The following IL13RA1 variants were observed in gnomAD, a reference collection of about 807,000 sequenced individuals.
IL13RA1 encodes the protein interleukin 13 receptor subunit alpha 1.
A neutral mutation model predicts 33.8 loss-of-function variants in IL13RA1; 14 were observed. The observed-to-expected ratio is 0.41, with a 90% confidence interval of 0.27 to 0.65. The LOEUF (loss-of-function observed/expected upper bound fraction) is 0.65, where lower values mean the gene tolerates loss of function less well. Among genes scored for constraint, IL13RA1 ranks in the 30% least tolerant of loss-of-function variants. IL13RA1 has a pLI of 0.28. For synonymous variants in IL13RA1, 116 were observed against 115.7 expected (o/e 1.00, Z -0.02); for missense variants, 313 against 327.0 (o/e 0.96, Z 0.33).
chrX:118,741,307 A>G (rs1479937659), intron 2 of IL13RA1, 151 bp downstream of exon 2: 9 of 435,513 alleles, frequency 2.1e-5, no homozygotes, highest in South Asian at 4.2e-5. Flanking sequence ...AGAAGCAACT[A>G]TTGACACAAG....
At chrX:118,800,651 A>G in the IL13RA1 span, among the ~76,000 whole-genome samples, 1 of 110,977 alleles carries the variant, frequency 9.0e-6, no homozygotes, top group African/African-American at 3.3e-5. Context: ...GAACCCACCA[A>G]TTCGGGACAG....
intron 2 of IL13RA1, 94 bp from the exon 3 acceptor site, chrX:118,746,860 T>C: frequency 3.2e-6 from 2 of 633,523 alleles, no homozygotes; most frequent in South Asian, 6.2e-5. Context: ...ATAACTTTTT[T>C]GATAAAAAAA....
rs768692064 is a variant in IL13RA1, at chrX:118,769,918, C to T, written c.1009+2942C>T. 2.5e-4 allele frequency: 38 copies of T among 153,948 alleles called. 1 individual carries two copies. The highest frequency in any genetic ancestry group is 2.0e-3 in the Middle Eastern group (1 of 489). The allele number at this position is 153,948 out of a possible 1,213,427, so 12.7% of individuals were successfully genotyped here. On this transcript the variant is annotated intron_variant, in intron 8 of 10. Transcript: ENST00000371666. ...GCATTAGGCTGCAGCTCTTCTTCTA[C>T]GTGGGCCTGGCCTTCATCAGCCTGG...
chrX:118,766,165 T>C (rs984880843), intron 6 of IL13RA1, among the ~76,000 whole-genome samples: 10 of 112,099 alleles, frequency 8.9e-5, no homozygotes, highest in Non-Finnish European at 1.5e-4. Context: ...TGGGAGGTTT[T>C]TTTGGTCTTG....
intron 2 of IL13RA1, among the ~76,000 whole-genome samples, chrX:118,745,433 C>G (rs2017393063): frequency 8.9e-6 from 1 of 111,883 alleles, no homozygotes; most frequent in Admixed American, 9.5e-5. Flanking sequence ...TCTGTTCTTC[C>G]AGGGCTGACC....
At chrX:118,777,274 C>T (rs1456988623) in intron 10 of IL13RA1, among the ~76,000 whole-genome samples, 1 of 110,918 alleles carries the variant, frequency 9.0e-6, no homozygotes, top group African/African-American at 3.3e-5. Flanking sequence ...ATTTCATTTA[C>T]CATAATGTTT....
chrX:118,776,315 A>T, intron 9 of IL13RA1, 112 bp from the exon 10 acceptor site: 2 of 400,074 alleles, frequency 5.0e-6, no homozygotes, highest in Non-Finnish European at 8.9e-6. Context: ...GTCAATAAAG[A>T]TGACTTGTGT....
At chrX:118,747,158 G>T in intron 3 of IL13RA1, 66 bp downstream of exon 3, 1 of 674,000 alleles carries the variant, frequency 1.5e-6, no homozygotes, top group Middle Eastern at 3.2e-4. Flanking sequence ...ATGCTTTTGT[G>T]CATTGTTCAT....
intron 3 of IL13RA1, among the ~76,000 whole-genome samples, chrX:118,749,057 A>G (rs2017441740): frequency 9.0e-6 from 1 of 111,627 alleles, no homozygotes; most frequent in African/African-American, 3.3e-5. Context: ...CTGGGACTAA[A>G]GATATGTGCC....
intron 4 of IL13RA1, among the ~76,000 whole-genome samples, chrX:118,752,163 G>A (rs891116306): frequency 9.0e-6 from 1 of 110,556 alleles, no homozygotes; most frequent in South Asian, 3.9e-4. Context: ...AAACCCTTCA[G>A]TGGCTCCCTG....
intron 10 of IL13RA1, among the ~76,000 whole-genome samples, chrX:118,783,755 T>TACACACACACACACACAC (rs142945515): frequency 4.1e-4 from 41 of 100,946 alleles, no homozygotes; most frequent in African/African-American, 1.4e-3. Context: ...AAATCCATAT[T>TACACACACACACACACAC]ACACACACAC....
intron 10 of IL13RA1, among the ~76,000 whole-genome samples, chrX:118,791,544 G>T (rs2017974120): frequency 9.3e-6 from 1 of 107,717 alleles, no homozygotes; most frequent in Non-Finnish European, 1.9e-5. Flanking sequence ...ACTATCTCAT[G>T]ATTCCCACCT....
the IL13RA1 span, among the ~76,000 whole-genome samples, chrX:118,804,294 G>A: frequency 1.7e-4 from 19 of 109,706 alleles, no homozygotes; most frequent in Non-Finnish European, 3.4e-4. Context: ...TCAGACATCT[G>A]TGAAGGAAGT....
chrX:118,800,787 T>C, the IL13RA1 span, among the ~76,000 whole-genome samples: 26 of 110,096 alleles, frequency 2.4e-4, no homozygotes, highest in Non-Finnish European at 4.0e-4. Flanking sequence ...ATTCATTTTA[T>C]TTTATTTATT....
intron 10 of IL13RA1, among the ~76,000 whole-genome samples, chrX:118,789,426 T>G (rs2017954247): frequency 8.9e-6 from 1 of 112,278 alleles, no homozygotes; most frequent in Non-Finnish European, 1.9e-5. Context: ...TGATATTACC[T>G]AATTTTAAAA....
At chrX:118,736,691 C>G (rs375221609) in intron 1 of IL13RA1, among the ~76,000 whole-genome samples, 1 of 112,222 alleles carries the variant, frequency 8.9e-6, no homozygotes, top group East Asian at 2.8e-4. Flanking sequence ...ACTGTAACCT[C>G]GAATCCCTGG....
chrX:118,727,636 T>C lies in IL13RA1; in HGVS notation c.-3T>C. ...CCGGCCGGGCTCCGAGGCGAGAGGC[T>C]GCATGGAGTGGCCGGCGCGGCTCTG... On this transcript the variant is annotated 5_prime_UTR_variant, in exon 1 of 11. Transcript: ENST00000371666. 1 of 915,980 alleles carries C rather than the reference T, an allele frequency of 1.1e-6. No individual in the cohort carries two copies. Among genetic ancestry groups the C allele is most frequent in the Non-Finnish European group, 1.4e-6 (1 of 738,791 alleles). 75.5% of individuals were successfully genotyped at this position (915,980 alleles called of 1,213,427 possible).
intron 10 of IL13RA1, among the ~76,000 whole-genome samples, chrX:118,785,054 C>G (rs890198810): frequency 2.7e-5 from 3 of 109,980 alleles, no homozygotes; most frequent in Non-Finnish European, 3.8e-5. Flanking sequence ...AGTTTCTTCA[C>G]TTACAGATTT....
At chrX:118,768,220 A>C (rs964125602) in intron 8 of IL13RA1, among the ~76,000 whole-genome samples, 4 of 112,157 alleles carry the variant, frequency 3.6e-5, no homozygotes, top group Non-Finnish European at 7.5e-5. Context: ...AAGCTCAACA[A>C]GTTATGTGCC....
Sources: gnomAD v4.1 joint callset for allele counts (sites outside exome capture counted in the v4.1 genomes callset) on GRCh38, gnomAD v4.1.1 for gene constraint, MANE v1.5 for transcripts, NCBI Gene and HGNC (gene_info 2026-07-23, HGNC 2026-07-21) for gene names.